SYNPR: variants seen among roughly 807,000 people sequenced by gnomAD.
The protein encoded by SYNPR is synaptoporin.
Under a neutral mutation model 32.9 loss-of-function variants are expected in SYNPR, and 23 were observed. The ratio of observed to expected loss-of-function variants is 0.70; its 90% CI spans 0.50 to 0.99. SYNPR has a LOEUF of 0.99. SYNPR is among the 50% of genes least tolerant of loss of function. The pLI is 0.00. For synonymous variants in SYNPR, 146 were observed against 135.9 expected (o/e 1.07, Z -0.52); for missense variants, 318 against 349.3 (o/e 0.91, Z 0.71).
chr3:63,204,606 C>A, the SYNPR span, among the ~76,000 whole-genome samples: 2 of 152,174 alleles, frequency 1.3e-5, no homozygotes, highest in East Asian at 3.9e-4. Flanking sequence ...TAGTAGAAGT[C>A]TTCATCGACT....
At chr3:63,354,139 G>A (rs1018089823) in intron 2 of SYNPR, among the ~76,000 whole-genome samples, 6 of 152,192 alleles carry the variant, frequency 3.9e-5, no homozygotes, top group Non-Finnish European at 8.8e-5. Flanking sequence ...ACATTCATTA[G>A]TGATTACCAC....
At chr3:63,341,979 C>A (rs929820465) in intron 2 of SYNPR, among the ~76,000 whole-genome samples, 8 of 152,234 alleles carry the variant, frequency 5.3e-5, no homozygotes, top group Admixed American at 4.6e-4. Context: ...CTTCTAGAGG[C>A]ATTACAATTT....
chr3:63,356,334 C>T (rs1002230041), intron 2 of SYNPR, among the ~76,000 whole-genome samples: 2 of 152,208 alleles, frequency 1.3e-5, no homozygotes, highest in Non-Finnish European at 2.9e-5. Flanking sequence ...TGGACAACTT[C>T]TATGGTGTTC....
rs1248346367 is a variant in SYNPR, at chr3:63,616,312, T to C, written c.*831T>C. On this transcript the variant is annotated 3_prime_UTR_variant, in exon 6 of 6. Transcript: ENST00000478300. ...CTTCTATGGTGTTTTGTGGCTCTTA[T>C]CTTGTGGACCATAAATAACACGGCC... The C allele has an allele frequency of 6.6e-6, 1 of 152,242 alleles. No homozygotes were observed. The highest frequency in any genetic ancestry group is 6.5e-5 in the Admixed American group (1 of 15,286). The allele number at this position is 152,242 out of a possible 1,614,324, so 9.4% of individuals were successfully genotyped here. A position where few individuals can be genotyped will look rare whatever the true frequency, so the allele number is the denominator to read the frequency against.
At chr3:63,338,686 G>A (rs968952561) in intron 2 of SYNPR, among the ~76,000 whole-genome samples, 2 of 152,162 alleles carry the variant, frequency 1.3e-5, no homozygotes, top group Middle Eastern at 3.2e-3. Context: ...CTCAAGAGAT[G>A]AAAAGCCTGT....
intron 2 of SYNPR, among the ~76,000 whole-genome samples, chr3:63,404,421 A>T (rs561020375): frequency 1.6e-4 from 24 of 152,336 alleles, no homozygotes; most frequent in African/African-American, 5.8e-4. Flanking sequence ...AAGGAAAATC[A>T]TAAAAAATGT....
At chr3:63,398,251 T>TTTAA (rs1485943316) in intron 2 of SYNPR, among the ~76,000 whole-genome samples, 4 of 152,330 alleles carry the variant, frequency 2.6e-5, no homozygotes, top group Non-Finnish European at 2.9e-5. Context: ...AGCTGGCACT[T>TTTAA]GGCAGCACTG....
At chr3:63,584,114 T>C (rs560062859) in intron 4 of SYNPR, among the ~76,000 whole-genome samples, 1 of 152,206 alleles carries the variant, frequency 6.6e-6, no homozygotes, top group African/African-American at 2.4e-5. Context: ...GCATTTCCTT[T>C]AGCAATGAGA....
At chr3:63,444,830 C>T (rs909086037) in intron 2 of SYNPR, among the ~76,000 whole-genome samples, 20 of 152,040 alleles carry the variant, frequency 1.3e-4, no homozygotes, top group Non-Finnish European at 1.3e-4. Context: ...ATACACTAAT[C>T]CCCCAAACCC....
intron 2 of SYNPR, among the ~76,000 whole-genome samples, chr3:63,447,159 C>A (rs539627412): frequency 6.6e-6 from 1 of 152,092 alleles, no homozygotes; most frequent in Non-Finnish European, 1.5e-5. Context: ...GGCCATCAAA[C>A]GAAAACTTTT....
At chr3:63,243,631 T>C (rs893983686) in intron 1 of SYNPR, among the ~76,000 whole-genome samples, 21 of 152,228 alleles carry the variant, frequency 1.4e-4, no homozygotes, top group African/African-American at 5.1e-4. Context: ...GGTTGTTTCT[T>C]TCCTGACTGA....
chr3:63,610,054 T>C (rs1203018026), intron 5 of SYNPR, among the ~76,000 whole-genome samples: 1 of 152,086 alleles, frequency 6.6e-6, no homozygotes, highest in African/African-American at 2.4e-5. Flanking sequence ...TAGAGAAAAA[T>C]ACACAGACCT....
chr3:63,613,762 C>G (rs1370836059), intron 5 of SYNPR, among the ~76,000 whole-genome samples: 1 of 152,030 alleles, frequency 6.6e-6, no homozygotes, highest in Non-Finnish European at 1.5e-5. Context: ...CCTCTTTAAT[C>G]CTCCCAACTA....
chr3:63,419,369 T>A lies in SYNPR; in HGVS notation c.85-61463T>A, dbSNP rs2088578721. 2.0e-5 allele frequency among the ~76,000 whole-genome samples: 3 copies of A among 152,252 alleles called. No homozygotes were observed. The South Asian group carries it at 6.2e-4, about 32-fold the overall frequency. ...ACAGCTCACACTCTGTGATACCAAA[T>A]ACTTAGAGTTGGAAAGCATGTCCCT... On this transcript the variant is annotated intron_variant, in intron 2 of 5. Coordinates refer to ENST00000478300, the MANE Select transcript of SYNPR (RefSeq NM_001130003.2).
At chr3:63,356,548 C>G (rs1560203395) in intron 2 of SYNPR, among the ~76,000 whole-genome samples, 3 of 152,350 alleles carry the variant, frequency 2.0e-5, no homozygotes, top group South Asian at 4.1e-4. Flanking sequence ...CAAGGTCAGT[C>G]AGCAGTGGTG....
chr3:63,431,931 C>A (rs778277574), intron 2 of SYNPR, among the ~76,000 whole-genome samples: 1 of 151,778 alleles, frequency 6.6e-6, no homozygotes, highest in Non-Finnish European at 1.5e-5. Context: ...CCTAAACCTG[C>A]AGAACTCACC....
intron 2 of SYNPR, among the ~76,000 whole-genome samples, chr3:63,292,484 G>GA (rs2086749640): frequency 6.6e-6 from 1 of 152,190 alleles, no homozygotes. Flanking sequence ...TTTAGTAATA[G>GA]AAAAAATACT....
At chr3:63,518,937 C>T (rs1701852059) in intron 3 of SYNPR, among the ~76,000 whole-genome samples, 1 of 152,172 alleles carries the variant, frequency 6.6e-6, no homozygotes, top group Admixed American at 6.5e-5. Context: ...AAACGTCCTT[C>T]AATACCTAGT....
intron 4 of SYNPR, among the ~76,000 whole-genome samples, chr3:63,602,751 T>TTA (rs1361708170): frequency 1.3e-5 from 2 of 152,206 alleles, no homozygotes; most frequent in Non-Finnish European, 2.9e-5. Context: ...TACTGTAGCC[T>TTA]TATAGTATAG....
Sources: gnomAD v4.1 joint callset for allele counts (sites outside exome capture counted in the v4.1 genomes callset) on GRCh38, gnomAD v4.1.1 for gene constraint, MANE v1.5 for transcripts, NCBI Gene and HGNC (gene_info 2026-07-23, HGNC 2026-07-21) for gene names.